AGO4: variants seen among roughly 807,000 people sequenced by gnomAD.
AGO4 encodes the protein protein argonaute-4.
Under a neutral mutation model 104.7 loss-of-function variants are expected in AGO4, and 33 were observed. The observed-to-expected ratio is 0.32, with a 90% CI of 0.24 to 0.42. The LOEUF is 0.42. AGO4 is among the 10% of genes least tolerant of loss of function. The pLI, the probability that AGO4 is intolerant of heterozygous loss-of-function variation, is 1.00. For missense variants in AGO4, 711 were observed against 1,083.4 expected, an observed-to-expected ratio of 0.66 and a Z score of 4.83; for synonymous variants, 331 against 364.7, an observed-to-expected ratio of 0.91 and a Z score of 1.05.
chr1:35,827,552 T>C (rs1450449604), intron 7 of AGO4, among the ~76,000 whole-genome samples: 1 of 152,108 alleles, frequency 6.6e-6, no homozygotes, highest in Non-Finnish European at 1.5e-5. Context: ...GGTTATCTTA[T>C]ACTGAAATTT....
At chr1:35,816,574 G>T (rs1643704543) in intron 1 of AGO4, among the ~76,000 whole-genome samples, 1 of 152,076 alleles carries the variant, frequency 6.6e-6, no homozygotes, top group African/African-American at 2.4e-5. Context: ...GCTGAGGCAG[G>T]TGGATCACGA....
chr1:35,852,926 A>G (rs1644736341), intron 17 of AGO4, among the ~76,000 whole-genome samples: 1 of 152,192 alleles, frequency 6.6e-6, no homozygotes, highest in Admixed American at 6.5e-5. Context: ...TGCAGACATT[A>G]TATTATTTAA....
chr1:35,809,112 A>G (rs1044211437), intron 1 of AGO4, among the ~76,000 whole-genome samples: 1 of 152,206 alleles, frequency 6.6e-6, no homozygotes, highest in Non-Finnish European at 1.5e-5. Context: ...ACAGGCTTCA[A>G]TGCCCTGAGT....
intron 15 of AGO4, among the ~76,000 whole-genome samples, chr1:35,845,550 A>G (rs1644552886): frequency 6.6e-6 from 1 of 151,916 alleles, no homozygotes; most frequent in Middle Eastern, 3.2e-3. Context: ...TCTCTCCATT[A>G]AACACTGATA....
At chr1:35,810,991 C>G (rs1643482871) in intron 1 of AGO4, among the ~76,000 whole-genome samples, 1 of 150,218 alleles carries the variant, frequency 6.7e-6, no homozygotes. Flanking sequence ...AATTAGCTGG[C>G]TAAAAATATA....
chr1:35,841,114 AAC>A lies in AGO4; in HGVS notation c.1725-49_1725-48del. 1 of 1,566,304 alleles carries A rather than the reference AAC, an allele frequency of 6.4e-7. No homozygotes were observed. The highest frequency in any genetic ancestry group is 8.7e-7 in the Non-Finnish European group (1 of 1,146,416). Reference sequence around the variant, plus strand: ...TGGTGATATAATCTTGCTAAACTCAAACATTTTCACTTATATGTCTGAGTGGC... The same window carrying A: ...TGGTGATATAATCTTGCTAAACTCAAATTTTCACTTATATGTCTGAGTGGC... On this transcript the variant is annotated intron_variant, in intron 13 of 17. Transcript: ENST00000373210. The surrounding 1 kb of genome is among the most constrained non-coding windows in gnomAD (Gnocchi z 4.7).
In AGO4 at chr1:35,847,059, A is replaced by G. The variant is rs528226782; in HGVS notation, c.2176-3098A>G. On this transcript the variant is annotated intron_variant, in intron 15 of 17. Coordinates refer to ENST00000373210, the MANE Select transcript of AGO4 (RefSeq NM_017629.4). Reference sequence around the variant, plus strand: ...TAGTAATTGTATATAACCTATGCACATCCTCCCATATGTTTTAAAACAGGG... The same window carrying G: ...TAGTAATTGTATATAACCTATGCACGTCCTCCCATATGTTTTAAAACAGGG... Among the ~76,000 whole-genome samples, 659 of 152,184 alleles carry G rather than the reference A, an allele frequency of 4.3e-3. 1 individual carries two copies. The highest frequency in any genetic ancestry group is 9.7e-3 in the South Asian group (47 of 4,824).
chr1:35,835,729 A>G (rs1644298714), intron 12 of AGO4, 105 bp from the exon 13 acceptor site: 4 of 940,058 alleles, frequency 4.3e-6, no homozygotes, highest in African/African-American at 1.7e-5. Context: ...CACAGTGTAC[A>G]GTATATAGTA....
Position 35,853,503 on chromosome 1 carries a change from A to G in AGO4, c.2484A>G (p.Glu828=), listed in dbSNP as rs1240690033. Residue 828 remains glutamate (E), a synonymous_variant, in exon 18 of 18, where the codon GAA becomes GAG. Transcript: ENST00000373210. ...TGTTTTATTCTCTTTACAGTGCGGA[A>G]GGCAGTCATGTGTCAGGACAGAGCA... ...HLVDKDHDSA[E]GSHVSGQSNG... is the part of the protein sequence containing the mutation. 3 of 1,611,888 alleles carry G rather than the reference A, an allele frequency of 1.9e-6. No homozygotes were observed. The South Asian group carries it at 3.3e-5, about 18-fold the overall frequency.
In AGO4 at chr1:35,855,930, C is replaced by G. The variant is rs1644807742; in HGVS notation, c.*2325C>G. The G allele has an allele frequency of 6.6e-6, 1 of 152,240 alleles. No homozygotes were observed. The highest frequency in any genetic ancestry group is 2.1e-4 in the South Asian group (1 of 4,834). 9.4% of individuals were successfully genotyped at this position (152,240 alleles called of 1,614,324 possible). ...CCTGCACTTGAGTGCCTCGGGCTTG[C>G]TTATTAATAACGCACAGAAGAAGCA... On this transcript the variant is annotated 3_prime_UTR_variant, in exon 18 of 18. Coordinates refer to ENST00000373210, the MANE Select transcript of AGO4 (RefSeq NM_017629.4).
intron 2 of AGO4, among the ~76,000 whole-genome samples, chr1:35,818,760 A>T (rs1302784303): frequency 3.3e-5 from 5 of 152,008 alleles, no homozygotes; most frequent in Non-Finnish European, 7.4e-5. Flanking sequence ...GGGGAGAGTG[A>T]TAGGAGATGA....
intron 4 of AGO4, 72 bp from the exon 5 acceptor site, chr1:35,825,607 C>T (rs1644000048): frequency 4.6e-6 from 7 of 1,532,174 alleles, no homozygotes; most frequent in Non-Finnish European, 6.1e-6. Flanking sequence ...GATTTCAGCT[C>T]CCAGAGTTGA....
In AGO4 at chr1:35,841,811, CATAT is replaced by C. The variant is rs5773512; in HGVS notation, c.2175+85_2175+88del. On this transcript the variant is annotated intron_variant, in intron 15 of 17. Transcript: ENST00000373210. The surrounding 1 kb of genome is among the most constrained non-coding windows in gnomAD (Gnocchi z 4.7). ...CTCTGGCAAGAGATGTATATATGCACATATATATATATATATATATATATATACA... is the reference window on the plus strand; with the variant it reads ...CTCTGGCAAGAGATGTATATATGCACATATATATATATATATATATATACA... 80,871 of 594,056 alleles carry C rather than the reference CATAT, an allele frequency of 0.14. 3,446 individuals carry two copies. The highest frequency in any genetic ancestry group is 0.43 in the East Asian group (10,941 of 25,506). 36.8% of individuals were successfully genotyped at this position (594,056 alleles called of 1,614,324 possible). A position where few individuals can be genotyped will look rare whatever the true frequency, so the allele number is the denominator to read the frequency against.
At chr1:35,828,773 G>A (rs936432144) in intron 7 of AGO4, among the ~76,000 whole-genome samples, 2 of 151,818 alleles carry the variant, frequency 1.3e-5, no homozygotes, top group South Asian at 2.1e-4. Context: ...CACCCGCCTC[G>A]GCCTCCCAAA....
chr1:35,821,144 G>A (rs1347970710), intron 2 of AGO4, among the ~76,000 whole-genome samples: 1 of 152,146 alleles, frequency 6.6e-6, no homozygotes, highest in African/African-American at 2.4e-5. Context: ...AATGAGAATA[G>A]AGGTGAAAGT....
In AGO4 at chr1:35,819,451, G is replaced by A. The variant is rs185683206; in HGVS notation, c.185+2404G>A. ...TCTATATTAAAAAAAACAAAAGGCC[G>A]CGCGCGGTGGCTCACATCTTTGGAT... On this transcript the variant is annotated intron_variant, in intron 2 of 17. Transcript: ENST00000373210. 2.6e-4 allele frequency among the ~76,000 whole-genome samples: 39 copies of A among 151,656 alleles called. No homozygotes were observed. The Middle Eastern group carries it at 0.01, about 40-fold the overall frequency.
intron 15 of AGO4, among the ~76,000 whole-genome samples, chr1:35,847,836 C>A (rs1186799112): frequency 6.6e-6 from 1 of 151,658 alleles, no homozygotes; most frequent in Non-Finnish European, 1.5e-5. Flanking sequence ...TGTGTCAGGT[C>A]TTTAAAATTT....
At chr1:35,816,825 A>G in intron 1 of AGO4, 57 bp from the exon 2 acceptor site, 1 of 1,475,622 alleles carries the variant, frequency 6.8e-7, no homozygotes. Context: ...AAAAAAAGAA[A>G]GAAAGAAAGA....
chr1:35,830,066 C>A lies in AGO4; in HGVS notation c.849-1361C>A, dbSNP rs539728704. On this transcript the variant is annotated intron_variant, in intron 7 of 17. Transcript: ENST00000373210. ...GGCTGAGGTGGGAGAATTGCTTGAG[C>A]CCAAGTGGTGGAGGTTTCAGTAAGC... Among the ~76,000 whole-genome samples the A allele has an allele frequency of 3.2e-4, 48 of 149,370 alleles. 1 individual carries two copies. Among genetic ancestry groups the A allele is most frequent in the African/African-American group, 1.1e-3 (46 of 40,580 alleles).
Sources: allele counts gnomAD v4.1 joint callset (sites outside exome capture counted in the v4.1 genomes callset), GRCh38; gene constraint gnomAD v4.1.1; non-coding constraint Gnocchi (gnomAD v3.1); transcripts MANE v1.5; gene names NCBI Gene and HGNC (gene_info 2026-07-23, HGNC 2026-07-21).